CEP112: variants seen among roughly 807,000 people sequenced by gnomAD.
The protein encoded by CEP112 is centrosomal protein 112.
Under a neutral mutation model 153.0 loss-of-function variants are expected in CEP112, and 127 were observed. That is an observed-to-expected ratio of 0.83 (90% confidence interval 0.72 to 0.96). The LOEUF is 0.96. CEP112 is among the 40% of genes least tolerant of loss of function. CEP112 has a pLI of 0.00. For missense variants in CEP112, 1,089 were observed against 1,101.2 expected, an observed-to-expected ratio of 0.99 and a Z score of 0.16; for synonymous variants, 358 against 374.4, an observed-to-expected ratio of 0.96 and a Z score of 0.51.
intron 4 of CEP112, among the ~76,000 whole-genome samples, chr17:66,169,922 A>G (rs1291503503): frequency 2.0e-5 from 3 of 152,186 alleles, no homozygotes; most frequent in Non-Finnish European, 2.9e-5. Context: ...TAGGGCCACA[A>G]AAGGCTGCAA....
intron 12 of CEP112, among the ~76,000 whole-genome samples, chr17:66,042,455 T>C (rs555833978): frequency 1.3e-5 from 2 of 152,174 alleles, no homozygotes; most frequent in Admixed American, 1.3e-4. Context: ...AACCCCAGTC[T>C]AATCATGAGG....
At chr17:65,763,953 C>T (rs1171963412) in intron 21 of CEP112, among the ~76,000 whole-genome samples, 1 of 151,800 alleles carries the variant, frequency 6.6e-6, no homozygotes, top group Non-Finnish European at 1.5e-5. Context: ...GTGGTGGTAA[C>T]GTGTTAGGGA....
intron 26 of CEP112, 83 bp downstream of exon 26, chr17:65,637,041 A>G (rs1598150453): frequency 1.9e-6 from 2 of 1,051,370 alleles, no homozygotes; most frequent in East Asian, 4.8e-5. Flanking sequence ...GCATTTTAAT[A>G]AAGACAAAGG....
At chr17:65,794,656 C>T (rs1352106186) in intron 21 of CEP112, among the ~76,000 whole-genome samples, 2 of 152,232 alleles carry the variant, frequency 1.3e-5, no homozygotes, top group Non-Finnish European at 2.9e-5. Context: ...CCATCATTTT[C>T]TCCTTCGAAT....
chr17:65,963,703 G>T (rs376570142), intron 17 of CEP112, among the ~76,000 whole-genome samples: 1 of 147,248 alleles, frequency 6.8e-6, no homozygotes, highest in African/African-American at 2.6e-5. Flanking sequence ...GTGTGTGTGT[G>T]TTCTCTCCTC....
chr17:66,011,371 C>G (rs553846688), intron 16 of CEP112, among the ~76,000 whole-genome samples: 1 of 152,104 alleles, frequency 6.6e-6, no homozygotes, highest in African/African-American at 2.4e-5. Flanking sequence ...GCATTATGAA[C>G]TTCACTCTTA....
chr17:65,649,440 GGT>G (rs2045622067), intron 24 of CEP112, among the ~76,000 whole-genome samples: 1 of 152,156 alleles, frequency 6.6e-6, no homozygotes, highest in Non-Finnish European at 1.5e-5. Context: ...CATGAGGCCA[GGT>G]GTGGTGGCTC....
chr17:65,842,793 A>G (rs1389008388), intron 21 of CEP112, among the ~76,000 whole-genome samples: 1 of 152,178 alleles, frequency 6.6e-6, no homozygotes, highest in East Asian at 1.9e-4. Flanking sequence ...AGATACATAA[A>G]TACATTTAAA....
rs1047979623 is a variant in CEP112, at chr17:66,093,478, C to T, written c.768+2773G>A. Reference sequence around the variant, plus strand: ...ATGCTGGAACTAATAAATGAATTCACTAAAGTTGCAGAATACAAAATCAAC... The same window carrying T: ...ATGCTGGAACTAATAAATGAATTCATTAAAGTTGCAGAATACAAAATCAAC... On this transcript the variant is annotated intron_variant, in intron 8 of 26. Coordinates refer to ENST00000535342, the MANE Select transcript of CEP112 (RefSeq NM_001199165.4). Among the ~76,000 whole-genome samples, 9 of 151,552 alleles carry T rather than the reference C, an allele frequency of 5.9e-5. No individual in the cohort carries two copies. In the East Asian group the frequency reaches 1.7e-3, roughly 29 times the overall value.
intron 1 of CEP112, among the ~76,000 whole-genome samples, chr17:66,183,900 C>A (rs2072821710): frequency 6.6e-6 from 1 of 152,018 alleles, no homozygotes; most frequent in Non-Finnish European, 1.5e-5. Context: ...GAAATCTTTG[C>A]AAACTTGAGT....
At chr17:65,738,143 C>A (rs2050909513) in intron 23 of CEP112, among the ~76,000 whole-genome samples, 1 of 152,132 alleles carries the variant, frequency 6.6e-6, no homozygotes, top group African/African-American at 2.4e-5. Flanking sequence ...AATTAAGAAA[C>A]AAATCAAAGT....
At chr17:66,078,302 A>T (rs1344316648) in intron 8 of CEP112, among the ~76,000 whole-genome samples, 1 of 135,334 alleles carries the variant, frequency 7.4e-6, no homozygotes, top group Non-Finnish European at 1.5e-5. Context: ...CTCTGTTCCC[A>T]TGCTGAAGTG....
At chr17:66,185,402 TAG>T (rs2072887738) in intron 1 of CEP112, among the ~76,000 whole-genome samples, 1 of 152,118 alleles carries the variant, frequency 6.6e-6, no homozygotes. Flanking sequence ...TTTCTATTTT[TAG>T]TAGAGATGGG....
At chr17:66,050,512 C>T (rs1486491738) in intron 12 of CEP112, among the ~76,000 whole-genome samples, 1 of 152,148 alleles carries the variant, frequency 6.6e-6, no homozygotes, top group African/African-American at 2.4e-5. Context: ...AAGAGACAAT[C>T]CCATGCTTCA....
At chr17:65,957,518 CT>C (rs34754801) in intron 18 of CEP112, among the ~76,000 whole-genome samples, 1 of 151,966 alleles carries the variant, frequency 6.6e-6, no homozygotes, top group African/African-American at 2.4e-5. Context: ...TCCTACTTTC[CT>C]TTTTTTCTGA....
chr17:65,930,499 A>G (rs542622436), intron 18 of CEP112, among the ~76,000 whole-genome samples: 1 of 152,344 alleles, frequency 6.6e-6, no homozygotes, highest in African/African-American at 2.4e-5. Context: ...GCACCCAAGT[A>G]TTTCTTTGTA....
At chr17:66,059,705 G>A (rs1213845623) in intron 11 of CEP112, among the ~76,000 whole-genome samples, 3 of 152,200 alleles carry the variant, frequency 2.0e-5, no homozygotes, top group Admixed American at 6.5e-5. Context: ...TAGTGGGAAC[G>A]TAAAGTAGTT....
intron 24 of CEP112, among the ~76,000 whole-genome samples, chr17:65,642,296 C>A (rs1237080311): frequency 6.6e-6 from 1 of 152,164 alleles, no homozygotes; most frequent in Non-Finnish European, 1.5e-5. Context: ...TCATACGCAC[C>A]TGGAAATAGG....
intron 6 of CEP112, among the ~76,000 whole-genome samples, chr17:66,113,219 C>T (rs1237231539): frequency 1.8e-5 from 2 of 110,688 alleles, no homozygotes; most frequent in Non-Finnish European, 3.6e-5. Context: ...AAATATGCAT[C>T]GTCATATATA....
Sources: allele counts gnomAD v4.1 joint callset (sites outside exome capture counted in the v4.1 genomes callset), GRCh38; gene constraint gnomAD v4.1.1; transcripts MANE v1.5; gene names NCBI Gene and HGNC (gene_info 2026-07-23, HGNC 2026-07-21).